Variants in ERBB4 observed in about 807,000 individuals in gnomAD.
ERBB4 encodes the protein erb-b2 receptor tyrosine kinase 4, also known as receptor tyrosine-protein kinase erbB-4.
ERBB4 carries 42 observed loss-of-function variants against 158.0 expected under a neutral mutation model. The ratio of observed to expected loss-of-function variants is 0.27; its 90% confidence interval spans 0.21 to 0.34. The LOEUF (loss-of-function observed/expected upper bound fraction) is 0.34. ERBB4 is among the 10% of genes least tolerant of loss of function. The probability of loss-of-function intolerance (pLI) is 1.00; values close to 1 mark genes in which losing one functional copy is unlikely to be tolerated. For synonymous variants in ERBB4, 583 were observed against 558.7 expected, an observed-to-expected ratio of 1.04 and a Z score of -0.61; for missense variants, 1,333 against 1,624.1, an observed-to-expected ratio of 0.82 and a Z score of 3.08.
At chr2:211,791,834 G>A (rs2076284944) in intron 3 of ERBB4, among the ~76,000 whole-genome samples, 1 of 151,720 alleles carries the variant, frequency 6.6e-6, no homozygotes, top group Non-Finnish European at 1.5e-5. Context: ...ATATGTTTGT[G>A]TCTCAAACGT....
At chr2:211,883,652 C>T (rs1276807668) in intron 3 of ERBB4, among the ~76,000 whole-genome samples, 1 of 151,592 alleles carries the variant, frequency 6.6e-6, no homozygotes, top group South Asian at 2.1e-4. Flanking sequence ...CTGGCGTTGT[C>T]GTGGGCACCT....
intron 1 of ERBB4, among the ~76,000 whole-genome samples, chr2:212,309,329 T>C (rs552612980): frequency 4.6e-5 from 7 of 151,058 alleles, no homozygotes; most frequent in South Asian, 4.1e-4. Context: ...ATTTATAATA[T>C]ACACTGATTA....
chr2:212,436,432 C>A (rs2092138630), intron 1 of ERBB4, among the ~76,000 whole-genome samples: 1 of 151,962 alleles, frequency 6.6e-6, no homozygotes, highest in Admixed American at 6.6e-5. Context: ...AAAGACTTAG[C>A]CAGCTTACAC....
At chr2:212,182,166 GA>G (rs2081889688) in intron 1 of ERBB4, among the ~76,000 whole-genome samples, 1 of 151,724 alleles carries the variant, frequency 6.6e-6, no homozygotes, top group South Asian at 2.1e-4. Flanking sequence ...TAACATCTAT[GA>G]GTTCATTTAA....
chr2:212,190,212 T>C (rs1399199207), intron 1 of ERBB4, among the ~76,000 whole-genome samples: 1 of 152,204 alleles, frequency 6.6e-6, no homozygotes, highest in African/African-American at 2.4e-5. Context: ...CTTTAGATGG[T>C]GCAATCAACT....
At chr2:212,071,447 C>T (rs577295354) in intron 2 of ERBB4, among the ~76,000 whole-genome samples, 1 of 151,966 alleles carries the variant, frequency 6.6e-6, no homozygotes, top group Non-Finnish European at 1.5e-5. Flanking sequence ...AGACATAATA[C>T]ATTTACAGGG....
At chr2:212,131,313 A>T (rs984363401) in intron 1 of ERBB4, among the ~76,000 whole-genome samples, 1 of 152,300 alleles carries the variant, frequency 6.6e-6, no homozygotes, top group East Asian at 1.9e-4. Flanking sequence ...TAATATTTTT[A>T]AAAATATAAA....
At chr2:211,932,371 T>C (rs573457624) in intron 3 of ERBB4, among the ~76,000 whole-genome samples, 1 of 152,102 alleles carries the variant, frequency 6.6e-6, no homozygotes, top group Non-Finnish European at 1.5e-5. Flanking sequence ...TTTTCATGGG[T>C]AAAGTTCTAA....
intron 20 of ERBB4, among the ~76,000 whole-genome samples, chr2:211,519,303 C>T (rs1158585086): frequency 6.6e-6 from 1 of 152,150 alleles, no homozygotes; most frequent in Non-Finnish European, 1.5e-5. Context: ...TGATTGGCTA[C>T]ATCCTATTAA....
chr2:211,737,656 A>C (rs1421705824), intron 5 of ERBB4, among the ~76,000 whole-genome samples: 1 of 152,194 alleles, frequency 6.6e-6, no homozygotes, highest in African/African-American at 2.4e-5. Context: ...AAAAATAACA[A>C]CTGTACTTAC....
intron 1 of ERBB4, among the ~76,000 whole-genome samples, chr2:212,456,677 T>G (rs959487150): frequency 2.6e-4 from 39 of 152,136 alleles, no homozygotes; most frequent in African/African-American, 8.2e-4. Context: ...AGAAAAAGTA[T>G]AGTGTCATTT....
At chr2:212,244,352 C>T (rs1449831471) in intron 1 of ERBB4, among the ~76,000 whole-genome samples, 1 of 152,052 alleles carries the variant, frequency 6.6e-6, no homozygotes, top group African/African-American at 2.4e-5. Context: ...GAATTTGACA[C>T]AAAATGAAAT....
rs1553576308 is a variant in ERBB4 at position 211,580,907 on chromosome 2, A to ATATACACAC, written c.2302-18820_2302-18819insGTGTGTATA. The stretch of plus-strand genomic sequence containing the variant: ...TATATATATATATATATATATATAT[A>ATATACACAC]TATATATATGATGGAATACTACTTA... On this transcript the variant is annotated intron_variant, in intron 19 of 27. Transcript: ENST00000342788. Among the ~76,000 whole-genome samples, 21 of 91,798 alleles carry ATATACACAC rather than the reference A, an allele frequency of 2.3e-4. 7 individuals are homozygous for ATATACACAC. The highest frequency in any genetic ancestry group is 7.8e-4 in the African/African-American group (19 of 24,396). The allele number at this position is 91,798 out of a possible 152,430, so 60.2% of individuals were successfully genotyped here.
chr2:211,401,807 T>C (rs905237584), intron 25 of ERBB4, among the ~76,000 whole-genome samples: 1 of 151,910 alleles, frequency 6.6e-6, no homozygotes, highest in Non-Finnish European at 1.5e-5. Context: ...AAAAATAAAA[T>C]AGATTAAACT....
intron 12 of ERBB4, among the ~76,000 whole-genome samples, chr2:211,700,683 TA>T (rs1384050639): frequency 6.6e-6 from 1 of 152,090 alleles, no homozygotes. Flanking sequence ...TTTATAACTT[TA>T]AAAAAGTCTT....
chr2:212,318,415 A>T (rs1560004440), intron 1 of ERBB4, among the ~76,000 whole-genome samples: 1 of 151,540 alleles, frequency 6.6e-6, no homozygotes, highest in Non-Finnish European at 1.5e-5. Context: ...CTATTGTTTT[A>T]TGTCTTTGAT....
intron 25 of ERBB4, among the ~76,000 whole-genome samples, chr2:211,389,317 T>G (rs543502649): frequency 6.6e-6 from 1 of 152,244 alleles, no homozygotes; most frequent in East Asian, 1.9e-4. Flanking sequence ...TTACAGATAC[T>G]TTACATCTTT....
Position 212,222,616 on chromosome 2 carries a change from C to T in ERBB4, c.83-97713G>A, listed in dbSNP as rs553988127. On this transcript the variant is annotated intron_variant, in intron 1 of 27. Coordinates refer to ENST00000342788, the MANE Select transcript of ERBB4 (RefSeq NM_005235.3). ...TTTTCATGACACCATATTCTCTTGG[C>T]TTTTTTTTTAATCATGATTTCCCAC... 6.0e-5 allele frequency among the ~76,000 whole-genome samples: 9 copies of T among 150,182 alleles called. No homozygotes were observed. In the South Asian group the frequency reaches 1.9e-3, roughly 31 times the overall value.
At chr2:211,397,129 A>G (rs1000009048) in intron 25 of ERBB4, among the ~76,000 whole-genome samples, 6 of 152,154 alleles carry the variant, frequency 3.9e-5, no homozygotes, top group African/African-American at 1.4e-4. Context: ...CAACACCCCA[A>G]GAGAAAATAG....
Sources: allele counts gnomAD v4.1 joint callset (sites outside exome capture counted in the v4.1 genomes callset), GRCh38; gene constraint gnomAD v4.1.1; transcripts MANE v1.5; gene names NCBI Gene and HGNC (gene_info 2026-07-23, HGNC 2026-07-21).